Variants in LYPLAL1 observed in about 807,000 individuals in gnomAD.
LYPLAL1 encodes lysophospholipase like 1.
A neutral mutation model predicts 19.7 loss-of-function variants in LYPLAL1; 23 were observed. The observed-to-expected ratio is 1.17, with a 90% CI of 0.84 to 1.65. The LOEUF is 1.65. Ranked by LOEUF, LYPLAL1 falls within the 40% of genes most tolerant of loss-of-function variation. The pLI, the probability that LYPLAL1 is intolerant of heterozygous loss-of-function variation, is 0.00. For missense variants in LYPLAL1, 355 were observed against 279.4 expected, an observed-to-expected ratio of 1.27 and a Z score of -1.93; for synonymous variants, 119 against 96.3, an observed-to-expected ratio of 1.24 and a Z score of -1.38.
At chr1:219,195,645 C>A (rs1022939905) in intron 3 of LYPLAL1, among the ~76,000 whole-genome samples, 2 of 151,996 alleles carry the variant, frequency 1.3e-5, no homozygotes, top group African/African-American at 4.8e-5. Context: ...CAGTATATTA[C>A]ATTTTAAAGA....
chr1:219,211,418 G>A (rs933300694), intron 4 of LYPLAL1, 74 bp from the exon 5 acceptor site: 17 of 1,048,596 alleles, frequency 1.6e-5, no homozygotes, highest in Non-Finnish European at 1.4e-6. Context: ...GAATTTTCCT[G>A]TTCTCTCTGA....
At chr1:219,384,731 A>G in the LYPLAL1 span, among the ~76,000 whole-genome samples, 1 of 152,180 alleles carries the variant, frequency 6.6e-6, no homozygotes, top group African/African-American at 2.4e-5. Flanking sequence ...GTATTGTTTG[A>G]TCTGTTTTAT....
chr1:219,208,944 A>G (rs1256588262), intron 3 of LYPLAL1, among the ~76,000 whole-genome samples: 1 of 152,118 alleles, frequency 6.6e-6, no homozygotes, highest in African/African-American at 2.4e-5. Flanking sequence ...CATGTCAAAG[A>G]TTTATTAATG....
At chr1:219,404,869 C>T in the LYPLAL1 span, among the ~76,000 whole-genome samples, 2 of 152,208 alleles carry the variant, frequency 1.3e-5, no homozygotes, top group Non-Finnish European at 2.9e-5. Flanking sequence ...CACCTCAACT[C>T]CACTGAGTCA....
At chr1:219,407,517 T>C in the LYPLAL1 span, among the ~76,000 whole-genome samples, 1 of 152,224 alleles carries the variant, frequency 6.6e-6, no homozygotes, top group East Asian at 1.9e-4. Flanking sequence ...ACATGAAATG[T>C]AATGAGCTTG....
At chr1:219,440,883 T>C in the LYPLAL1 span, among the ~76,000 whole-genome samples, 1 of 152,172 alleles carries the variant, frequency 6.6e-6, no homozygotes, top group African/African-American at 2.4e-5. Context: ...CACTGCTGAC[T>C]TCACGAAAAA....
chr1:219,247,270 G>C, the LYPLAL1 span, among the ~76,000 whole-genome samples: 1 of 152,166 alleles, frequency 6.6e-6, no homozygotes, highest in African/African-American at 2.4e-5. Flanking sequence ...TAACGAATGA[G>C]TAATAGAATC....
At chr1:219,185,487 T>C (rs1656652954) in intron 2 of LYPLAL1, among the ~76,000 whole-genome samples, 1 of 152,016 alleles carries the variant, frequency 6.6e-6, no homozygotes, top group South Asian at 2.1e-4. Context: ...TTTTTCTTTC[T>C]TTTTATTTAT....
the LYPLAL1 span, among the ~76,000 whole-genome samples, chr1:219,386,741 G>C: frequency 6.6e-6 from 1 of 152,118 alleles, no homozygotes; most frequent in Non-Finnish European, 1.5e-5. Flanking sequence ...ACCCAAATCT[G>C]CCCCCTTTCT....
chr1:219,187,452 G>A (rs1047273254), intron 2 of LYPLAL1, among the ~76,000 whole-genome samples: 2 of 151,242 alleles, frequency 1.3e-5, no homozygotes, highest in African/African-American at 2.4e-5. Context: ...GCCCAATAAA[G>A]ATTTTTATTT....
the LYPLAL1 span, among the ~76,000 whole-genome samples, chr1:219,414,812 T>C: frequency 5.9e-5 from 9 of 152,186 alleles, no homozygotes; most frequent in African/African-American, 1.9e-4. Flanking sequence ...AATTATTTAA[T>C]GAATGCTGAG....
intron 3 of LYPLAL1, among the ~76,000 whole-genome samples, chr1:219,197,503 A>T (rs1234613273): frequency 6.6e-6 from 1 of 152,220 alleles, no homozygotes; most frequent in Admixed American, 6.6e-5. Flanking sequence ...ACTGAAATGT[A>T]AAACCAAAAA....
chr1:219,413,413 C>CA, the LYPLAL1 span, among the ~76,000 whole-genome samples: 1 of 152,196 alleles, frequency 6.6e-6, no homozygotes, highest in African/African-American at 2.4e-5. Context: ...ATAAACAAAA[C>CA]ACCTTCCAAA....
the LYPLAL1 span, among the ~76,000 whole-genome samples, chr1:219,303,760 G>A: frequency 6.6e-6 from 1 of 152,136 alleles, no homozygotes; most frequent in African/African-American, 2.4e-5. Flanking sequence ...AATACAAATG[G>A]CACATGGAGA....
the LYPLAL1 span, among the ~76,000 whole-genome samples, chr1:219,255,841 A>T: frequency 2.7e-4 from 41 of 151,954 alleles, no homozygotes; most frequent in African/African-American, 9.4e-4. Flanking sequence ...ATCTATAAAG[A>T]TAACAAAGAC....
rs973371334 is a variant in LYPLAL1 at position 219,181,118 on chromosome 1, G to A, written c.191+1872G>A. 3.2e-4 allele frequency among the ~76,000 whole-genome samples: 48 copies of A among 152,074 alleles called. 1 individual carries two copies. Among genetic ancestry groups the A allele is most frequent in the African/African-American group, 1.1e-3 (46 of 41,400 alleles). ...TTAATAATATATTTTATTTAACCCA[G>A]TATATTCAAAATATTCAACATGTAA... On this transcript the variant is annotated intron_variant, in intron 2 of 4. Transcript: ENST00000366928.
the LYPLAL1 span, among the ~76,000 whole-genome samples, chr1:219,409,180 G>A: frequency 6.6e-6 from 1 of 152,154 alleles, no homozygotes; most frequent in African/African-American, 2.4e-5. Context: ...TGGGTGTAGT[G>A]GCTCACGCCT....
At chr1:219,195,977 G>A (rs1388819411) in intron 3 of LYPLAL1, among the ~76,000 whole-genome samples, 1 of 152,070 alleles carries the variant, frequency 6.6e-6, no homozygotes, top group African/African-American at 2.4e-5. Flanking sequence ...ATGGCTTCCA[G>A]CTCCATCCTT....
chr1:219,343,856 T>C, the LYPLAL1 span, among the ~76,000 whole-genome samples: 2 of 130,470 alleles, frequency 1.5e-5, no homozygotes, highest in Admixed American at 7.9e-5. Flanking sequence ...CTACCCACTA[T>C]CCAACCATTC....
Sources: gnomAD v4.1 joint callset for allele counts (sites outside exome capture counted in the v4.1 genomes callset) on GRCh38, gnomAD v4.1.1 for gene constraint, MANE v1.5 for transcripts, NCBI Gene and HGNC (gene_info 2026-07-23, HGNC 2026-07-21) for gene names.